Variants in ARHGEF28 observed in about 807,000 individuals in gnomAD.
ARHGEF28 encodes 190 kDa guanine nucleotide exchange factor.
ARHGEF28 carries 152 observed loss-of-function variants against 206.6 expected under a neutral mutation model. The observed-to-expected ratio is 0.74, with a 90% CI of 0.64 to 0.84. ARHGEF28 has a LOEUF of 0.84. Ranked by LOEUF, ARHGEF28 falls within the 40% of genes least tolerant of loss-of-function variation. The pLI, the probability that ARHGEF28 is intolerant of heterozygous loss-of-function variation, is 0.00. For missense variants in ARHGEF28, 2,028 were observed against 2,073.2 expected, an observed-to-expected ratio of 0.98 and a Z score of 0.42; for synonymous variants, 763 against 776.4, an observed-to-expected ratio of 0.98 and a Z score of 0.29.
intron 2 of ARHGEF28, among the ~76,000 whole-genome samples, chr5:73,711,620 T>A (rs1269497998): frequency 6.6e-6 from 1 of 152,170 alleles, no homozygotes; most frequent in Non-Finnish European, 1.5e-5. Context: ...AAATTCCAGT[T>A]GTTCATTGCT....
chr5:73,914,321 G>A (rs992309300), intron 35 of ARHGEF28, among the ~76,000 whole-genome samples: 1 of 151,496 alleles, frequency 6.6e-6, no homozygotes, highest in Non-Finnish European at 1.5e-5. Context: ...AATTGAACCT[G>A]GGAATTGAAC....
At chr5:73,924,611 C>CAGAG (rs1178950374) in intron 35 of ARHGEF28, among the ~76,000 whole-genome samples, 1 of 152,138 alleles carries the variant, frequency 6.6e-6, no homozygotes, top group East Asian at 1.9e-4. Flanking sequence ...CTCTGGGGAC[C>CAGAG]AGAGAGACTT....
At chr5:73,855,381 A>G (rs967151466) in intron 14 of ARHGEF28, among the ~76,000 whole-genome samples, 16 of 152,306 alleles carry the variant, frequency 1.1e-4, no homozygotes, top group African/African-American at 3.4e-4. Flanking sequence ...TATTTTTAAA[A>G]AAGCATTTTT....
rs1746640531 is a variant in ARHGEF28, at chr5:73,675,894, T to G, written c.-11-8947T>G. Among the ~76,000 whole-genome samples the G allele has an allele frequency of 2.2e-5, 3 of 135,904 alleles. No individual in the cohort carries two copies. The South Asian group carries it at 6.9e-4, about 31-fold the overall frequency. 89.2% of individuals were successfully genotyped at this position (135,904 alleles called of 152,430 possible). On this transcript the variant is annotated intron_variant, in intron 1 of 35. Coordinates refer to ENST00000513042, the MANE Select transcript of ARHGEF28 (RefSeq NM_001177693.2). ...TATGCAATTTTCTAACTATGTAGTC[T>G]TATGCAAATTATATTTTTCAATTTT...
chr5:73,878,905 G>C (rs1760720339), intron 22 of ARHGEF28, among the ~76,000 whole-genome samples: 1 of 152,082 alleles, frequency 6.6e-6, no homozygotes, highest in Non-Finnish European at 1.5e-5. Flanking sequence ...TATGTGTCTT[G>C]GAGTTGGTCT....
At chr5:73,712,493 T>A (rs1749310535) in intron 2 of ARHGEF28, among the ~76,000 whole-genome samples, 1 of 152,188 alleles carries the variant, frequency 6.6e-6, no homozygotes, top group South Asian at 2.1e-4. Context: ...CATAAGTGGC[T>A]TGGTACCTAC....
In ARHGEF28 at chr5:73,749,975, A is replaced by G; in HGVS notation, c.172A>G (p.Ser58Gly). 6.2e-7 allele frequency: 1 copy of G among 1,613,930 alleles called. No homozygotes were observed. The highest frequency in any genetic ancestry group is 1.3e-5 in the African/African-American group (1 of 75,064). ...CATCGAGGATAACGTTCTCCAGTCC[A>G]GCGTCCCAGGTGAGGTGTCCTCTTT... Reference protein sequence around the residue: ...ERIEDNVLQSSVPGHGLQETV... With the variant: ...ERIEDNVLQSGVPGHGLQETV... Residue 58 changes from serine to glycine, a missense_variant, in exon 3 of 36, where the codon AGC becomes GGC. By Grantham distance (56) the Ser-to-Gly change is moderately conservative. Around this residue, in one of 3 missense-constraint regions of ARHGEF28, gnomAD observed 1,002 missense variants for 1,015.3 expected, o/e 0.99. Coordinates refer to ENST00000513042, the MANE Select transcript of ARHGEF28 (RefSeq NM_001177693.2).
chr5:73,720,233 T>C (rs912220626), intron 2 of ARHGEF28, among the ~76,000 whole-genome samples: 1 of 152,158 alleles, frequency 6.6e-6, no homozygotes, highest in Non-Finnish European at 1.5e-5. Context: ...ATTTTACAGA[T>C]GAGAAGGGTC....
At chr5:73,901,715 T>A (rs1762282691) in intron 31 of ARHGEF28, 1 of 153,472 alleles carries the variant, frequency 6.5e-6, no homozygotes, top group Admixed American at 6.5e-5. Flanking sequence ...TTGACCCTCC[T>A]CTCCTTGCAG....
At position 73,756,484 on chromosome 5, in the gene ARHGEF28, C is replaced by T. The variant is rs535045668; in HGVS notation, c.475+3282C>T. 3.9e-5 allele frequency among the ~76,000 whole-genome samples: 6 copies of T among 152,304 alleles called. No individual in the cohort carries two copies. In the South Asian group the frequency reaches 8.3e-4, roughly 21 times the overall value. The stretch of plus-strand genomic sequence containing the variant: ...GACTTGTAGTGTAGCTTCTCTACAA[C>T]ATCAATGTCAAGCGACAGGGTTAAT... On this transcript the variant is annotated intron_variant, in intron 4 of 35. Transcript: ENST00000513042.
rs181487760 is a variant in ARHGEF28 at position 73,729,158 on chromosome 5, C to T, written c.34-20679C>T. Among the ~76,000 whole-genome samples the T allele has an allele frequency of 1.9e-4, 29 of 152,192 alleles. 1 individual carries two copies. The South Asian group carries it at 4.8e-3, about 25-fold the overall frequency. ...TTTAAGAGACTGCCTGGCTCAGCCT[C>T]CTGACAAGCTGTGTGATCTTAGGCA... On this transcript the variant is annotated intron_variant, in intron 2 of 35. Coordinates refer to ENST00000513042, the MANE Select transcript of ARHGEF28 (RefSeq NM_001177693.2).
At chr5:73,744,887 T>A (rs1751638901) in intron 2 of ARHGEF28, among the ~76,000 whole-genome samples, 1 of 152,050 alleles carries the variant, frequency 6.6e-6, no homozygotes, top group Non-Finnish European at 1.5e-5. Context: ...AATCTTTAGA[T>A]GCCTTTGAGA....
chr5:73,727,651 G>A lies in ARHGEF28; in HGVS notation c.34-22186G>A, dbSNP rs576739182. 7.7e-4 allele frequency among the ~76,000 whole-genome samples: 117 copies of A among 152,292 alleles called. 1 individual carries two copies. The highest frequency in any genetic ancestry group is 2.7e-3 in the African/African-American group (113 of 41,556). ...CCCTGAGACATTGTGTAGTAACTCT[G>A]TTTTTTCTTGGATATCATCCTTTAA... On this transcript the variant is annotated intron_variant, in intron 2 of 35. Transcript: ENST00000513042.
chr5:73,773,082 A>G (rs1320303616), intron 4 of ARHGEF28, among the ~76,000 whole-genome samples: 1 of 152,166 alleles, frequency 6.6e-6, no homozygotes, highest in Non-Finnish European at 1.5e-5. Context: ...TTGTCATTCA[A>G]CTCCTCAAAT....
intron 1 of ARHGEF28, among the ~76,000 whole-genome samples, chr5:73,667,383 T>C (rs1348674011): frequency 6.6e-6 from 1 of 152,120 alleles, no homozygotes; most frequent in Non-Finnish European, 1.5e-5. Context: ...CCATAGAATA[T>C]GGAGAGCAAA....
At chr5:73,856,086 A>G (rs919838021) in intron 14 of ARHGEF28, among the ~76,000 whole-genome samples, 6 of 147,116 alleles carry the variant, frequency 4.1e-5, no homozygotes, top group African/African-American at 7.3e-5. Flanking sequence ...AGTCTTTTCA[A>G]ACTCTCAAAT....
chr5:73,736,494 GAGATAATTCACTTA>G (rs1368843639), intron 2 of ARHGEF28, among the ~76,000 whole-genome samples: 3 of 152,134 alleles, frequency 2.0e-5, no homozygotes, highest in African/African-American at 7.2e-5. Flanking sequence ...AGGAATTAAT[GAGATAATTCACTTA>G]GAATGGTACT....
At chr5:73,774,332 T>C (rs1269196553) in intron 5 of ARHGEF28, among the ~76,000 whole-genome samples, 1 of 152,218 alleles carries the variant, frequency 6.6e-6, no homozygotes, top group Non-Finnish European at 1.5e-5. Context: ...TTCTGTGTTA[T>C]TCTCTTTGAT....
intron 1 of ARHGEF28, among the ~76,000 whole-genome samples, chr5:73,641,602 G>A (rs1248690828): frequency 9.2e-5 from 14 of 151,924 alleles, no homozygotes; most frequent in Non-Finnish European, 7.4e-5. Context: ...AAAAATTATC[G>A]CATCTGGATC....
Sources: gnomAD v4.1 joint callset for allele counts (sites outside exome capture counted in the v4.1 genomes callset) on GRCh38, gnomAD v4.1.1 for gene constraint, gnomAD v4.1.1 regional missense constraint, MANE v1.5 for transcripts, NCBI Gene and HGNC (gene_info 2026-07-23, HGNC 2026-07-21) for gene names.